KAT6B: variants seen among roughly 807,000 people sequenced by gnomAD.
KAT6B encodes the protein lysine acetyltransferase 6B.
Under a neutral mutation model 187.5 loss-of-function variants are expected in KAT6B, and 10 were observed. The observed-to-expected ratio is 0.05, with a 90% CI of 0.03 to 0.09. KAT6B has a LOEUF of 0.09. Among genes scored for constraint, KAT6B ranks in the 10% least tolerant of loss-of-function variants. The pLI is 1.00. For missense variants in KAT6B, 1,952 were observed against 2,558.9 expected, an observed-to-expected ratio of 0.76 and a Z score of 5.12; for synonymous variants, 861 against 926.8, an observed-to-expected ratio of 0.93 and a Z score of 1.29.
chr10:75,028,112 G>A (rs1014565014), intron 17 of KAT6B, among the ~76,000 whole-genome samples: 7 of 152,084 alleles, frequency 4.6e-5, no homozygotes, highest in African/African-American at 1.7e-4. Flanking sequence ...GTAATGATTT[G>A]TATATAAGCT....
At chr10:74,897,451 T>C (rs938996384) in intron 3 of KAT6B, among the ~76,000 whole-genome samples, 1 of 152,224 alleles carries the variant, frequency 6.6e-6, no homozygotes, top group African/African-American at 2.4e-5. Flanking sequence ...CCCTCTCCAC[T>C]GTGGGGGCCA....
At chr10:74,960,847 A>G (rs959474892) in intron 4 of KAT6B, among the ~76,000 whole-genome samples, 3 of 152,214 alleles carry the variant, frequency 2.0e-5, no homozygotes, top group African/African-American at 7.2e-5. Context: ...CAGCAGTGTT[A>G]TGGTTTAGCA....
intron 3 of KAT6B, among the ~76,000 whole-genome samples, chr10:74,887,310 T>G (rs1281915000): frequency 6.6e-6 from 1 of 152,140 alleles, no homozygotes; most frequent in Non-Finnish European, 1.5e-5. Flanking sequence ...CTTGCCTCTC[T>G]GTGTGGCAGG....
intron 3 of KAT6B, among the ~76,000 whole-genome samples, chr10:74,938,556 C>T (rs1261672497): frequency 6.6e-6 from 1 of 152,104 alleles, no homozygotes. Context: ...TGGGTCTATG[C>T]TTACTGATTA....
At chr10:74,830,770 T>TATGTATATATA (rs60886313) in intron 1 of KAT6B, among the ~76,000 whole-genome samples, 1 of 9,630 alleles carries the variant, frequency 1.0e-4, no homozygotes, top group African/African-American at 3.0e-4. Flanking sequence ...ATATATATAT[T>TATGTATATATA]TTTTTTTTTT....
chr10:74,956,950 A>G (rs998163619), intron 3 of KAT6B, among the ~76,000 whole-genome samples: 2 of 152,238 alleles, frequency 1.3e-5, no homozygotes, highest in African/African-American at 4.8e-5. Context: ...GTGAAATTTC[A>G]AAGAAAGGAA....
intron 16 of KAT6B, among the ~76,000 whole-genome samples, chr10:75,022,748 T>C (rs1187653316): frequency 6.6e-6 from 1 of 152,000 alleles, no homozygotes. Context: ...CTGGCTAACG[T>C]GGTGAAATCC....
At chr10:74,827,987 C>G (rs183187473) in intron 1 of KAT6B, among the ~76,000 whole-genome samples, 2 of 152,204 alleles carry the variant, frequency 1.3e-5, no homozygotes, top group Admixed American at 1.3e-4. Flanking sequence ...TAAACTTGAT[C>G]TGGAGTCTTC....
chr10:74,830,769 T>TATATATGTATATATATATATATATA (rs58702000), intron 1 of KAT6B, among the ~76,000 whole-genome samples: 2 of 7,738 alleles, frequency 2.6e-4, no homozygotes, highest in Non-Finnish European at 5.2e-4. Flanking sequence ...TATATATATA[T>TATATATGTATATATATATATATATA]TTTTTTTTTT....
chr10:74,860,931 A>C (rs939652982), intron 3 of KAT6B, among the ~76,000 whole-genome samples: 1 of 152,212 alleles, frequency 6.6e-6, no homozygotes, highest in African/African-American at 2.4e-5. Flanking sequence ...TGAGGTCAGG[A>C]GTTCGAGACC....
intron 3 of KAT6B, among the ~76,000 whole-genome samples, chr10:74,916,699 A>G (rs1847712893): frequency 6.6e-6 from 1 of 152,248 alleles, no homozygotes; most frequent in African/African-American, 2.4e-5. Context: ...ATGGGTGCAT[A>G]CATAAATTCA....
chr10:74,851,721 C>G (rs568190269), intron 3 of KAT6B, among the ~76,000 whole-genome samples: 3 of 152,090 alleles, frequency 2.0e-5, no homozygotes, highest in African/African-American at 7.2e-5. Context: ...TTGGCTTATT[C>G]AGTTGTTTAT....
At chr10:74,887,940 T>G (rs1385334160) in intron 3 of KAT6B, among the ~76,000 whole-genome samples, 1 of 151,910 alleles carries the variant, frequency 6.6e-6, no homozygotes. Flanking sequence ...AAGCTATGAT[T>G]GTGCCACTGC....
intron 4 of KAT6B, among the ~76,000 whole-genome samples, chr10:74,964,292 A>C (rs759894749): frequency 5.3e-5 from 8 of 152,146 alleles, no homozygotes; most frequent in Non-Finnish European, 1.2e-4. Context: ...TTTGTAGCAA[A>C]ATCTAATGAT....
chr10:75,012,123 G>A (rs1049010936), intron 13 of KAT6B, among the ~76,000 whole-genome samples: 6 of 152,138 alleles, frequency 3.9e-5, no homozygotes, highest in African/African-American at 1.2e-4. Flanking sequence ...AGGCAGGGTC[G>A]AGAACCACTG....
chr10:74,954,042 A>G (rs779589998), intron 3 of KAT6B, among the ~76,000 whole-genome samples: 17 of 152,194 alleles, frequency 1.1e-4, no homozygotes, highest in Non-Finnish European at 1.2e-4. Flanking sequence ...AAGTCCTTAG[A>G]GATTAACTCT....
At chr10:75,008,244 A>G (rs571512440) in intron 13 of KAT6B, among the ~76,000 whole-genome samples, 9 of 152,200 alleles carry the variant, frequency 5.9e-5, no homozygotes, top group Admixed American at 5.9e-4. Flanking sequence ...CTGTTTTCCC[A>G]TTTTTCTTTT....
intron 3 of KAT6B, among the ~76,000 whole-genome samples, chr10:74,878,982 C>T (rs750712800): frequency 2.0e-5 from 3 of 152,182 alleles, no homozygotes; most frequent in Admixed American, 6.5e-5. Context: ...ACAGCGGAAA[C>T]GTCTTCCTTT....
At chr10:74,934,235 G>C (rs984812951) in intron 3 of KAT6B, among the ~76,000 whole-genome samples, 2 of 148,790 alleles carry the variant, frequency 1.3e-5, no homozygotes, top group African/African-American at 5.0e-5. Context: ...ATCATGGCCA[G>C]TAATTGCTAA....
Sources: gnomAD v4.1 joint callset for allele counts (sites outside exome capture counted in the v4.1 genomes callset) on GRCh38, gnomAD v4.1.1 for gene constraint, MANE v1.5 for transcripts, NCBI Gene and HGNC (gene_info 2026-07-23, HGNC 2026-07-21) for gene names.